Variants in PPARGC1B observed in about 807,000 individuals in gnomAD.
PPARGC1B encodes PPARG coactivator 1 beta.
PPARGC1B carries 34 observed loss-of-function variants against 101.6 expected under a neutral mutation model. The ratio of observed to expected loss-of-function variants is 0.33; its 90% CI spans 0.25 to 0.45. The LOEUF (loss-of-function observed/expected upper bound fraction) is 0.45, where lower values mean the gene tolerates loss of function less well. PPARGC1B is among the 20% of genes least tolerant of loss of function. The probability of loss-of-function intolerance (pLI) is 1.00; values close to 1 mark genes in which losing one functional copy is unlikely to be tolerated. For synonymous variants in PPARGC1B, 548 were observed against 539.3 expected, an observed-to-expected ratio of 1.02 and a Z score of -0.22; for missense variants, 1,234 against 1,317.6, an observed-to-expected ratio of 0.94 and a Z score of 0.98.
intron 1 of PPARGC1B, among the ~76,000 whole-genome samples, chr5:149,747,005 T>C (rs894914079): frequency 2.6e-5 from 4 of 152,240 alleles, no homozygotes; most frequent in Admixed American, 1.3e-4. Flanking sequence ...ACTAATCTCA[T>C]CAGATATGAT....
rs755834462 is a variant in PPARGC1B at position 149,836,490 on chromosome 5, G to T, written c.2035G>T (p.Ala679Ser). The change falls in exon 8 of 12, where the codon GCT becomes TCT. Residue 679 changes from alanine to serine, a missense_variant. By Grantham distance (99) the Ala-to-Ser change is moderately conservative. This residue lies in a region of PPARGC1B where 497 missense variants were observed against 529.5 expected (regional missense o/e 0.94). Transcript: ENST00000309241. ...TGCCACAGCCCAGCCAGCCTCCCAGGCTGGCCAGAAGCGTCCCTTCTCCTG... is the reference window on the plus strand; with the variant it reads ...TGCCACAGCCCAGCCAGCCTCCCAGTCTGGCCAGAAGCGTCCCTTCTCCTG... ...RHATAQPASQ[A>S]GQKRPFSCSF... 3 of 1,613,972 alleles carry T rather than the reference G, an allele frequency of 1.9e-6. No individual in the cohort carries two copies. Among genetic ancestry groups the T allele is most frequent in the Non-Finnish European group, 2.5e-6 (3 of 1,180,010 alleles).
intron 1 of PPARGC1B, among the ~76,000 whole-genome samples, chr5:149,755,193 C>G (rs971539656): frequency 1.3e-5 from 2 of 150,884 alleles, no homozygotes; most frequent in East Asian, 3.9e-4. Context: ...ACAGGCGTGA[C>G]CCACTGTGCC....
chr5:149,788,286 A>C (rs1756884787), intron 1 of PPARGC1B, among the ~76,000 whole-genome samples: 2 of 152,268 alleles, frequency 1.3e-5, no homozygotes, highest in Admixed American at 1.3e-4. Flanking sequence ...GACACTTCTC[A>C]AAAGAAGACA....
rs768783619 is a variant in PPARGC1B, at chr5:149,845,749, C to T, written c.2817-11C>T. ...GCCCAATAACATACTCTCCTTGCTC[C>T]CTCCCCGCAGAGGCGAGAAGTACGG... On this transcript the variant is annotated splice_polypyrimidine_tract_variant and intron_variant, in intron 10 of 11. Coordinates refer to ENST00000309241, the MANE Select transcript of PPARGC1B (RefSeq NM_133263.4). 1 of 1,597,308 alleles carries T rather than the reference C, an allele frequency of 6.3e-7. No homozygotes were observed. Among genetic ancestry groups the T allele is most frequent in the Non-Finnish European group, 8.6e-7 (1 of 1,168,758 alleles).
In PPARGC1B at chr5:149,836,790, G is replaced by C; in HGVS notation, c.2335G>C (p.Asp779His). The change falls in exon 8 of 12, where the codon GAC (aspartate) becomes CAC (histidine). Residue 779 changes from aspartate (D) to histidine (H), a missense_variant. Physicochemically the swap from Asp to His is moderately conservative, Grantham distance 81. Coordinates refer to ENST00000309241, the MANE Select transcript of PPARGC1B (RefSeq NM_133263.4). ...GLLETALEEE[D>H]LASCKSPEYD... ...GCTGGAGACCGCCCTGGAGGAGGAA[G>C]ACCTGGCCTCCTGCAAGAGCCCTGA... 1 of 1,613,630 alleles carries C rather than the reference G, an allele frequency of 6.2e-7. No individual in the cohort carries two copies. Among genetic ancestry groups the C allele is most frequent in the Non-Finnish European group, 8.5e-7 (1 of 1,180,032 alleles).
intron 1 of PPARGC1B, among the ~76,000 whole-genome samples, chr5:149,804,079 A>G (rs1230885813): frequency 3.3e-5 from 5 of 152,256 alleles, no homozygotes; most frequent in Non-Finnish European, 5.9e-5. Flanking sequence ...AGGAGTTTCC[A>G]TAAGGGAATA....
At chr5:149,762,970 A>G (rs1019520920) in intron 1 of PPARGC1B, among the ~76,000 whole-genome samples, 1 of 152,076 alleles carries the variant, frequency 6.6e-6, no homozygotes, top group African/African-American at 2.4e-5. Context: ...ATTTTTTTGT[A>G]GAGATGGGGG....
At position 149,847,386 on chromosome 5, in the gene PPARGC1B, C is replaced by T. The variant is rs45512103; in HGVS notation, c.2972-72C>T. On this transcript the variant is annotated intron_variant, in intron 11 of 11. Coordinates refer to ENST00000309241, the MANE Select transcript of PPARGC1B (RefSeq NM_133263.4). Reference sequence around the variant, plus strand: ...CGGTGCCCACTCATAGTGGCAGATTCTTCAACCATCCGGTCTTTGTAAGTT... The same window carrying T: ...CGGTGCCCACTCATAGTGGCAGATTTTTCAACCATCCGGTCTTTGTAAGTT... 2.1e-3 allele frequency: 2,419 copies of T among 1,168,370 alleles called. 47 individuals carry two copies. The African/African-American group carries it at 0.032, about 16-fold the overall frequency. 72.4% of individuals were successfully genotyped at this position (1,168,370 alleles called of 1,614,324 possible). A position where few individuals can be genotyped will look rare whatever the true frequency, so the allele number is the denominator to read the frequency against.
At chr5:149,845,112 G>T (rs545675328) in intron 10 of PPARGC1B, among the ~76,000 whole-genome samples, 1 of 152,334 alleles carries the variant, frequency 6.6e-6, no homozygotes, top group African/African-American at 2.4e-5. Flanking sequence ...CCCTGAGCCT[G>T]GTTGACCACA....
chr5:149,824,746 C>T (rs531683897), intron 2 of PPARGC1B, among the ~76,000 whole-genome samples: 7 of 152,240 alleles, frequency 4.6e-5, no homozygotes, highest in African/African-American at 1.7e-4. Context: ...CCAATGAGCC[C>T]GCTTGCATTC....
chr5:149,833,880 A>G lies in PPARGC1B; in HGVS notation c.1705+102A>G. ...CCCTGTGTTCAAGTCCCCGTCCCCC[A>G]ACAAAGTGTTATATGGGTTTGGACA... is the stretch of plus-strand genomic sequence containing the variant. On this transcript the variant is annotated intron_variant, in intron 5 of 11. Coordinates refer to ENST00000309241, the MANE Select transcript of PPARGC1B (RefSeq NM_133263.4). The surrounding 1 kb of genome is among the most constrained non-coding windows in gnomAD (Gnocchi z 4.1). 1 of 1,411,820 alleles carries G rather than the reference A, an allele frequency of 7.1e-7. No homozygotes were observed. Among genetic ancestry groups the G allele is most frequent in the Non-Finnish European group, 9.2e-7 (1 of 1,087,408 alleles). 87.5% of individuals were successfully genotyped at this position (1,411,820 alleles called of 1,614,324 possible). A position where few individuals can be genotyped will look rare whatever the true frequency, so the allele number is the denominator to read the frequency against.
At chr5:149,784,357 C>A (rs1756707961) in intron 1 of PPARGC1B, among the ~76,000 whole-genome samples, 1 of 152,024 alleles carries the variant, frequency 6.6e-6, no homozygotes, top group Admixed American at 6.6e-5. Flanking sequence ...CTTCCTGCTG[C>A]CATGTTTGGC....
chr5:149,834,541 AGAGGTGTTT>A lies in PPARGC1B; in HGVS notation c.1706-131_1706-123del, dbSNP rs1350088842. Reference sequence around the variant, plus strand: ...TGTTCTGCCCTTCTCTAAAAGTGGCAGAGGTGTTTGGTCACCTGCCCAAAGGGCAGCTGT... The same window carrying A: ...TGTTCTGCCCTTCTCTAAAAGTGGCAGGTCACCTGCCCAAAGGGCAGCTGT... On this transcript the variant is annotated intron_variant, in intron 5 of 11. Transcript: ENST00000309241. 17 of 697,776 alleles carry A rather than the reference AGAGGTGTTT, an allele frequency of 2.4e-5. 1 individual carries two copies. 43.2% of individuals were successfully genotyped at this position (697,776 alleles called of 1,614,324 possible).
chr5:149,796,920 A>G lies in PPARGC1B; in HGVS notation c.79-23513A>G, dbSNP rs141319531. On this transcript the variant is annotated intron_variant, in intron 1 of 11. Transcript: ENST00000309241. ...GATTTGAAAGGGCTCCTTTGCAGGC[A>G]TAGCCGAGGACAGAGTTAATGCATG... 2.2e-3 allele frequency among the ~76,000 whole-genome samples: 336 copies of G among 152,332 alleles called. 2 individuals carry two copies. Among genetic ancestry groups the G allele is most frequent in the Middle Eastern group, 0.014 (4 of 294 alleles).
At chr5:149,762,823 G>T (rs1278407900) in intron 1 of PPARGC1B, among the ~76,000 whole-genome samples, 3 of 152,060 alleles carry the variant, frequency 2.0e-5, no homozygotes, top group African/African-American at 7.2e-5. Context: ...GTCTCGCTCT[G>T]TTGCCCAGTC....
chr5:149,817,606 C>T, intron 1 of PPARGC1B: 6 of 401,808 alleles, frequency 1.5e-5, no homozygotes, highest in South Asian at 1.1e-4. Flanking sequence ...TTTCTTCCCT[C>T]ACTAAGATGT....
chr5:149,835,477 C>G (rs1759015370), intron 7 of PPARGC1B, 112 bp downstream of exon 7: 1 of 934,618 alleles, frequency 1.1e-6, no homozygotes, highest in Admixed American at 2.0e-5. Flanking sequence ...CGCAAGATGC[C>G]TGCCTTCACG....
intron 1 of PPARGC1B, among the ~76,000 whole-genome samples, chr5:149,817,043 T>C (rs1035163211): frequency 6.6e-6 from 1 of 152,144 alleles, no homozygotes; most frequent in Non-Finnish European, 1.5e-5. Flanking sequence ...CCACCCCTGG[T>C]CACCAAGCTG....
intron 1 of PPARGC1B, among the ~76,000 whole-genome samples, chr5:149,797,359 T>C (rs1757263048): frequency 1.3e-5 from 2 of 152,164 alleles, no homozygotes; most frequent in Admixed American, 1.3e-4. Context: ...TTTATGAATG[T>C]AGGGGACAAA....
Sources: gnomAD v4.1 joint callset for allele counts (sites outside exome capture counted in the v4.1 genomes callset) on GRCh38, gnomAD v4.1.1 for gene constraint, gnomAD v4.1.1 regional missense constraint, Gnocchi (gnomAD v3.1) non-coding constraint, MANE v1.5 for transcripts, NCBI Gene and HGNC (gene_info 2026-07-23, HGNC 2026-07-21) for gene names.